Variants in IMMP2L observed in about 807,000 individuals in gnomAD.
IMMP2L encodes inner mitochondrial membrane peptidase subunit 2.
IMMP2L carries 18 observed loss-of-function variants against 19.3 expected under a neutral mutation model. The observed-to-expected ratio is 0.93, with a 90% CI of 0.64 to 1.38. The LOEUF (loss-of-function observed/expected upper bound fraction) is 1.38. Ranked by LOEUF, IMMP2L falls within the 40% of genes most tolerant of loss-of-function variation. The pLI, the probability that IMMP2L is intolerant of heterozygous loss-of-function variation, is 0.00. For missense variants in IMMP2L, 233 were observed against 218.2 expected (o/e 1.07, Z -0.43); for synonymous variants, 76 against 73.0 (o/e 1.04, Z -0.21).
chr7:111,286,510 G>T (rs1820500456), intron 3 of IMMP2L, among the ~76,000 whole-genome samples: 1 of 152,022 alleles, frequency 6.6e-6, no homozygotes, highest in Admixed American at 6.6e-5. Context: ...AAAAGAAAAG[G>T]TCTACTCCCT....
chr7:110,767,140 T>A (rs978459959), intron 5 of IMMP2L, among the ~76,000 whole-genome samples: 1 of 152,176 alleles, frequency 6.6e-6, no homozygotes, highest in Non-Finnish European at 1.5e-5. Context: ...CAGTCTGTCA[T>A]ATAATTTATT....
chr7:111,070,329 A>C (rs1430726236), intron 3 of IMMP2L, among the ~76,000 whole-genome samples: 2 of 152,222 alleles, frequency 1.3e-5, no homozygotes, highest in African/African-American at 4.8e-5. Flanking sequence ...ACAACGTTTA[A>C]AGTAGCATAC....
At chr7:111,022,645 T>C (rs1276346546) in intron 3 of IMMP2L, among the ~76,000 whole-genome samples, 14 of 152,084 alleles carry the variant, frequency 9.2e-5, no homozygotes, top group Non-Finnish European at 1.8e-4. Flanking sequence ...TGAGAAACAC[T>C]GATCTACCCT....
chr7:110,747,896 A>G (rs1797461803), intron 5 of IMMP2L, among the ~76,000 whole-genome samples: 1 of 152,230 alleles, frequency 6.6e-6, no homozygotes, highest in African/African-American at 2.4e-5. Flanking sequence ...AGTTCTGGCC[A>G]GGGCAATCAG....
At chr7:110,720,250 A>G (rs1380763399) in intron 5 of IMMP2L, among the ~76,000 whole-genome samples, 3 of 152,210 alleles carry the variant, frequency 2.0e-5, no homozygotes, top group African/African-American at 7.2e-5. Context: ...TAAGAGGCTT[A>G]TAACACGTAG....
intron 5 of IMMP2L, among the ~76,000 whole-genome samples, chr7:110,805,184 G>C (rs1801540937): frequency 6.6e-6 from 1 of 152,092 alleles, no homozygotes; most frequent in Admixed American, 6.6e-5. Flanking sequence ...TGCTCAAGAA[G>C]TGTTTCATCT....
At chr7:111,470,829 A>G (rs1841188508) in intron 3 of IMMP2L, among the ~76,000 whole-genome samples, 1 of 151,438 alleles carries the variant, frequency 6.6e-6, no homozygotes, top group Non-Finnish European at 1.5e-5. Flanking sequence ...TACATATGTA[A>G]CTAACCTGCA....
At chr7:111,374,998 C>T (rs1279672685) in intron 3 of IMMP2L, among the ~76,000 whole-genome samples, 3 of 152,162 alleles carry the variant, frequency 2.0e-5, no homozygotes, top group East Asian at 3.9e-4. Context: ...TAAATATTTA[C>T]AGTTCCTACC....
At chr7:111,441,844 A>G (rs1837759096) in intron 3 of IMMP2L, among the ~76,000 whole-genome samples, 1 of 151,784 alleles carries the variant, frequency 6.6e-6, no homozygotes, top group African/African-American at 2.4e-5. Flanking sequence ...TCACATGAAA[A>G]GCTCTGCAAG....
intron 3 of IMMP2L, among the ~76,000 whole-genome samples, chr7:111,214,849 G>C (rs1482214799): frequency 6.6e-6 from 1 of 151,154 alleles, no homozygotes; most frequent in Non-Finnish European, 1.5e-5. Flanking sequence ...CCACAGGCCA[G>C]ATCTGGCTCA....
At chr7:110,995,621 T>C (rs2129560290) in intron 3 of IMMP2L, among the ~76,000 whole-genome samples, 1 of 152,296 alleles carries the variant, frequency 6.6e-6, no homozygotes, top group Admixed American at 6.5e-5. Flanking sequence ...ATTTCAGTTC[T>C]TTCTGGTACA....
intron 5 of IMMP2L, among the ~76,000 whole-genome samples, chr7:110,814,725 A>G (rs1425715756): frequency 1.4e-5 from 2 of 147,576 alleles, no homozygotes; most frequent in Admixed American, 1.4e-4. Flanking sequence ...ATATGTATAT[A>G]TATAAAATTT....
intron 5 of IMMP2L, among the ~76,000 whole-genome samples, chr7:110,882,789 A>T (rs1809827485): frequency 6.6e-6 from 1 of 151,688 alleles, no homozygotes; most frequent in African/African-American, 2.4e-5. Flanking sequence ...TTTTTAACCA[A>T]AGAAGCATTA....
intron 3 of IMMP2L, among the ~76,000 whole-genome samples, chr7:111,189,829 T>A (rs935275227): frequency 6.6e-6 from 1 of 152,146 alleles, no homozygotes; most frequent in Middle Eastern, 3.2e-3. Flanking sequence ...AGACTTACTA[T>A]ATCTTTAAGA....
chr7:111,046,505 A>T (rs1792410550), intron 3 of IMMP2L, among the ~76,000 whole-genome samples: 1 of 152,114 alleles, frequency 6.6e-6, no homozygotes, highest in African/African-American at 2.4e-5. Flanking sequence ...AGGAAAACAA[A>T]AAATAAATCC....
intron 3 of IMMP2L, among the ~76,000 whole-genome samples, chr7:111,201,643 G>A (rs2129615542): frequency 6.6e-6 from 1 of 151,902 alleles, no homozygotes; most frequent in African/African-American, 2.4e-5. Flanking sequence ...TTGAGCCTGG[G>A]AGACAGGGGT....
chr7:111,505,937 T>G (rs1301188340), intron 2 of IMMP2L, among the ~76,000 whole-genome samples: 1 of 152,006 alleles, frequency 6.6e-6, no homozygotes, highest in East Asian at 1.9e-4. Flanking sequence ...AACCTGCACA[T>G]TGTGCACATG....
intron 3 of IMMP2L, among the ~76,000 whole-genome samples, chr7:111,396,699 C>G (rs952885800): frequency 2.0e-5 from 3 of 152,002 alleles, no homozygotes; most frequent in African/African-American, 7.2e-5. Flanking sequence ...ATATAGTTAG[C>G]AAATTATATG....
At chr7:111,431,253 A>G (rs1836600557) in intron 3 of IMMP2L, among the ~76,000 whole-genome samples, 1 of 151,930 alleles carries the variant, frequency 6.6e-6, no homozygotes. Flanking sequence ...CAGATAAATT[A>G]AGAGAGAAAA....
Sources: allele counts gnomAD v4.1 joint callset (sites outside exome capture counted in the v4.1 genomes callset), GRCh38; gene constraint gnomAD v4.1.1; transcripts MANE v1.5; gene names NCBI Gene and HGNC (gene_info 2026-07-23, HGNC 2026-07-21).